The following ATG16L1 variants were observed in gnomAD, a reference collection of about 807,000 sequenced individuals.
ATG16L1 encodes autophagy related 16 like 1.
A neutral mutation model predicts 88.5 loss-of-function variants in ATG16L1; 37 were observed. The observed-to-expected ratio is 0.42, with a 90% confidence interval of 0.32 to 0.55. The LOEUF (loss-of-function observed/expected upper bound fraction) is 0.55, where lower values mean the gene tolerates loss of function less well. ATG16L1 is among the 20% of genes least tolerant of loss of function. The probability of loss-of-function intolerance (pLI) is 0.13; values close to 1 mark genes in which losing one functional copy is unlikely to be tolerated. For synonymous variants in ATG16L1, 301 were observed against 281.0 expected, an observed-to-expected ratio of 1.07 and a Z score of -0.71; for missense variants, 554 against 752.8, an observed-to-expected ratio of 0.74 and a Z score of 3.09.
chr2:233,271,428 G>A (rs1475715042), intron 6 of ATG16L1, among the ~76,000 whole-genome samples: 3 of 152,174 alleles, frequency 2.0e-5, no homozygotes, highest in Non-Finnish European at 2.9e-5. Context: ...ACAGGCATGC[G>A]CCACCACGCC....
chr2:233,276,682 G>T (rs895755554), intron 9 of ATG16L1, among the ~76,000 whole-genome samples: 7 of 152,122 alleles, frequency 4.6e-5, no homozygotes, highest in African/African-American at 1.4e-4. Context: ...TCGCCACGTT[G>T]CCCAGGCTGG....
In ATG16L1 at chr2:233,289,408, T is replaced by TGTGTGTGTGTGAGAGAGAGA. The variant is rs144316394; in HGVS notation, c.1204-445_1204-444insTGTGTGTGTGAGAGAGAGAG. On this transcript the variant is annotated intron_variant, in intron 12 of 17. Coordinates refer to ENST00000392017, the MANE Select transcript of ATG16L1 (RefSeq NM_030803.7). ...GTGTGTGTGTGTGTGTGTGTGTGTG[T>TGTGTGTGTGTGAGAGAGAGA]GACAGGATCTTGCTATCACTCAGGT... Among the ~76,000 whole-genome samples, 491 of 149,642 alleles carry TGTGTGTGTGTGAGAGAGAGA rather than the reference T, an allele frequency of 3.3e-3. 1 individual carries two copies. The highest frequency in any genetic ancestry group is 0.011 in the African/African-American group (437 of 40,244).
chr2:233,289,417 C>G (rs1225460591), intron 12 of ATG16L1, among the ~76,000 whole-genome samples: 5 of 51,370 alleles, frequency 9.7e-5, no homozygotes, highest in Non-Finnish European at 2.4e-4. Flanking sequence ...GTGACAGGAT[C>G]TTGCTATCAC....
At chr2:233,270,531 A>C (rs757968828) in intron 6 of ATG16L1, among the ~76,000 whole-genome samples, 7 of 152,214 alleles carry the variant, frequency 4.6e-5, no homozygotes, top group Non-Finnish European at 7.3e-5. Flanking sequence ...TCCTGCACTC[A>C]GTACCCGTTA....
chr2:233,274,943 T>C (rs558534570), intron 9 of ATG16L1, among the ~76,000 whole-genome samples, 165 bp downstream of exon 9: 2 of 152,334 alleles, frequency 1.3e-5, no homozygotes, highest in South Asian at 4.1e-4. Flanking sequence ...TATATTTTGC[T>C]TAGTTTCAGA....
chr2:233,282,548 C>G, intron 11 of ATG16L1, 134 bp from the exon 12 acceptor site: 1 of 747,814 alleles, frequency 1.3e-6, no homozygotes, highest in Non-Finnish European at 2.3e-6. Context: ...ACGACAGTAG[C>G]TGGTATTCAG....
Position 233,289,825 on chromosome 2 carries a change from G to A in ATG16L1, c.1204-29G>A, listed in dbSNP as rs765870302. The A allele has an allele frequency of 1.0e-5, 16 of 1,606,404 alleles. No individual in the cohort carries two copies. The East Asian group carries it at 3.4e-4, about 34-fold the overall frequency. On this transcript the variant is annotated intron_variant, in intron 12 of 17. Transcript: ENST00000392017. ...CATAGGCAGGGCCTGGCGCCCTGAG[G>A]CTCACCCTGGCTGTGTTCTCTCTCC...
At chr2:233,277,769 G>A (rs1361584588) in intron 10 of ATG16L1, 96 bp downstream of exon 10, 6 of 1,068,552 alleles carry the variant, frequency 5.6e-6, no homozygotes, top group Non-Finnish European at 8.6e-6. Context: ...GGTTGACCTT[G>A]CTTTCAGGCA....
intron 1 of ATG16L1, among the ~76,000 whole-genome samples, chr2:233,253,350 T>G (rs951965988): frequency 5.8e-5 from 8 of 138,668 alleles, no homozygotes; most frequent in Non-Finnish European, 1.3e-4. Context: ...GTTTTTTTTT[T>G]TTTTTTTTTT....
At chr2:233,284,158 CT>C (rs55671277) in intron 12 of ATG16L1, among the ~76,000 whole-genome samples, 144,007 of 144,484 alleles carry the variant, frequency 1, 71,765 homozygotes, top group South Asian at 1. Context: ...TTTCTTTTTT[CT>C]TTTTTTTTTT....
intron 12 of ATG16L1, among the ~76,000 whole-genome samples, chr2:233,286,538 C>T (rs1376136150): frequency 6.6e-6 from 1 of 151,328 alleles, no homozygotes; most frequent in African/African-American, 2.4e-5. Flanking sequence ...CAGCTCTATA[C>T]CATTGGAAGC....
intron 12 of ATG16L1, among the ~76,000 whole-genome samples, chr2:233,287,734 T>C (rs546571754): frequency 6.6e-6 from 1 of 152,224 alleles, no homozygotes; most frequent in East Asian, 1.9e-4. Flanking sequence ...AAAAATTAGC[T>C]GGATGTGGTG....
At chr2:233,254,683 G>A (rs1482955262) in intron 1 of ATG16L1, among the ~76,000 whole-genome samples, 1 of 152,214 alleles carries the variant, frequency 6.6e-6, no homozygotes, top group Non-Finnish European at 1.5e-5. Flanking sequence ...AGAGCCCTTT[G>A]ACACTGGTGG....
At chr2:233,252,731 A>C (rs1213038194) in intron 1 of ATG16L1, among the ~76,000 whole-genome samples, 1 of 151,934 alleles carries the variant, frequency 6.6e-6, no homozygotes, top group Admixed American at 6.6e-5. Context: ...GCGGGACAGA[A>C]CCTTTACTGT....
At position 233,286,750 on chromosome 2, in the gene ATG16L1, C is replaced by T. The variant is rs1396983508; in HGVS notation, c.1204-3104C>T. On this transcript the variant is annotated intron_variant, in intron 12 of 17. Coordinates refer to ENST00000392017, the MANE Select transcript of ATG16L1 (RefSeq NM_030803.7). ...ACACCATTCTCCTGCCTCAGCCTCC[C>T]GAGTAGCTGGGACTACAGGCGCCCG... Among the ~76,000 whole-genome samples the T allele has an allele frequency of 4.0e-5, 6 of 151,248 alleles. No individual in the cohort carries two copies. In the East Asian group the frequency reaches 5.8e-4, roughly 15 times the overall value.
At chr2:233,255,432 G>C (rs1476175770) in intron 1 of ATG16L1, among the ~76,000 whole-genome samples, 3 of 152,204 alleles carry the variant, frequency 2.0e-5, no homozygotes, top group Admixed American at 6.5e-5. Context: ...CCAGTTGCTT[G>C]AGCGAGGAGC....
At chr2:233,291,345 G>C (rs1390924689) in intron 14 of ATG16L1, among the ~76,000 whole-genome samples, 3 of 152,232 alleles carry the variant, frequency 2.0e-5, no homozygotes, top group African/African-American at 7.2e-5. Context: ...AGTTAAGTTG[G>C]ATGTTCGAAG....
At chr2:233,263,906 TTAAAAA>T in intron 3 of ATG16L1, 80 bp from the exon 4 acceptor site, 1 of 1,346,238 alleles carries the variant, frequency 7.4e-7, no homozygotes, top group Non-Finnish European at 1.0e-6. Flanking sequence ...TTATTCTTTC[TTAAAAA>T]TAAATCGCCA....
At chr2:233,263,270 C>T (rs775752349) in intron 3 of ATG16L1, 35 bp downstream of exon 3, 3 of 1,583,990 alleles carry the variant, frequency 1.9e-6, no homozygotes, top group Non-Finnish European at 2.6e-6. Context: ...TGTCTTCTGC[C>T]CTCTATGAGA....
Sources: gnomAD v4.1 joint callset for allele counts (sites outside exome capture counted in the v4.1 genomes callset) on GRCh38, gnomAD v4.1.1 for gene constraint, MANE v1.5 for transcripts, NCBI Gene and HGNC (gene_info 2026-07-23, HGNC 2026-07-21) for gene names.